The following DDX60L variants were observed in gnomAD, a reference collection of about 807,000 sequenced individuals.
The protein encoded by DDX60L is probable ATP-dependent RNA helicase DDX60-like.
Under a neutral mutation model 211.6 loss-of-function variants are expected in DDX60L, and 191 were observed. The observed-to-expected ratio is 0.90, with a 90% CI of 0.80 to 1.02. DDX60L has a LOEUF of 1.02. Ranked by LOEUF, DDX60L falls within the 50% of genes least tolerant of loss-of-function variation. The pLI, the probability that DDX60L is intolerant of heterozygous loss-of-function variation, is 0.00. For synonymous variants in DDX60L, 706 were observed against 694.1 expected (o/e 1.02, Z -0.27); for missense variants, 2,007 against 1,984.1 (o/e 1.01, Z -0.22).
At chr4:168,431,615 A>T (rs953933123) in intron 12 of DDX60L, among the ~76,000 whole-genome samples, 1 of 151,534 alleles carries the variant, frequency 6.6e-6, no homozygotes, top group Non-Finnish European at 1.5e-5. Context: ...TGACGAGTTA[A>T]TGGGTGCAGC....
chr4:168,430,610 A>G lies in DDX60L; in HGVS notation c.1545T>C (p.Asp515=). 6.4e-7 allele frequency: 1 copy of G among 1,573,200 alleles called. No homozygotes were observed. Among genetic ancestry groups the G allele is most frequent in the African/African-American group, 1.3e-5 (1 of 74,114 alleles). Residue 515 remains aspartate (D), a synonymous_variant, in exon 13 of 38, where the codon GAT becomes GAC. Transcript: ENST00000682922. ...DEQSRDPHVL[D]FLKKIQDYQQ... ...GATAATCCTGAATCTTTTTCAGGAA[A>G]TCAAGAACATGAGGATCTCTAGATT...
intron 1 of DDX60L, among the ~76,000 whole-genome samples, chr4:168,478,619 AG>A: frequency 6.6e-6 from 1 of 152,220 alleles, no homozygotes; most frequent in Admixed American, 6.5e-5. Flanking sequence ...ACATCAACAT[AG>A]CCGTGGATGA....
chr4:168,393,993 G>C (rs916832171), intron 28 of DDX60L, among the ~76,000 whole-genome samples: 1 of 152,086 alleles, frequency 6.6e-6, no homozygotes, highest in Non-Finnish European at 1.5e-5. Context: ...AGGAGTTCGA[G>C]AACAGGCTGG....
At chr4:168,372,317 T>G (rs1741169298) in intron 35 of DDX60L, among the ~76,000 whole-genome samples, 1 of 151,990 alleles carries the variant, frequency 6.6e-6, no homozygotes, top group Non-Finnish European at 1.5e-5. Flanking sequence ...AAACAAAAAC[T>G]AAGTCTCCGT....
chr4:168,422,014 A>G (rs1292933234), intron 16 of DDX60L, 105 bp from the exon 17 acceptor site: 5 of 1,436,462 alleles, frequency 3.5e-6, no homozygotes, highest in Non-Finnish European at 4.8e-6. Context: ...GTATTATGCT[A>G]CCTTTGGGGG....
intron 7 of DDX60L, among the ~76,000 whole-genome samples, chr4:168,454,859 G>C (rs2465259): frequency 6.8e-6 from 1 of 147,698 alleles, no homozygotes; most frequent in Non-Finnish European, 1.5e-5. Flanking sequence ...TTTGGTTCCA[G>C]AAATCCTAAA....
chr4:168,394,590 G>A lies in DDX60L; in HGVS notation c.3685C>T (p.Arg1229Ter), dbSNP rs760324079. 18 of 1,612,460 alleles carry A rather than the reference G, an allele frequency of 1.1e-5. No individual in the cohort carries two copies. Among genetic ancestry groups the A allele is most frequent in the Admixed American group, 5.0e-5 (3 of 59,762 alleles). ...AGTTCTTTGCCGTGTCTTGTAAATC[G>A]CACTCGCGGTAATACCCTCTCCAAA... ...STLERVLPRVRFTRHGKELKA... is the reference protein window; with the variant it reads ...STLERVLPRV The change falls in exon 28 of 38, where the codon CGA (arginine) becomes TGA (stop). Residue 1229 changes from arginine to a stop codon, truncating the protein, a stop_gained. Coordinates refer to ENST00000682922, the MANE Select transcript of DDX60L (RefSeq NM_001012967.3). LOFTEE classifies it high-confidence loss of function.
chr4:168,438,234 T>C (rs1753341377), intron 10 of DDX60L, among the ~76,000 whole-genome samples: 1 of 152,194 alleles, frequency 6.6e-6, no homozygotes, highest in Admixed American at 6.5e-5. Flanking sequence ...TCTCCAAATC[T>C]ACCTATAATC....
At chr4:168,463,775 A>C (rs1192510715) in intron 4 of DDX60L, among the ~76,000 whole-genome samples, 3 of 152,190 alleles carry the variant, frequency 2.0e-5, no homozygotes, top group African/African-American at 7.2e-5. Context: ...TATAGACTAG[A>C]ATTCTTAGGA....
At chr4:168,369,549 C>T (rs1740625109) in intron 36 of DDX60L, among the ~76,000 whole-genome samples, 1 of 148,346 alleles carries the variant, frequency 6.7e-6, no homozygotes, top group African/African-American at 2.5e-5. Flanking sequence ...TAAATAAGAT[C>T]TCAAAAACAG....
At chr4:168,478,933 C>G (rs1309838905) in intron 1 of DDX60L, among the ~76,000 whole-genome samples, 4 of 152,186 alleles carry the variant, frequency 2.6e-5, no homozygotes, top group African/African-American at 9.7e-5. Context: ...TCAAATAAAA[C>G]TGATCAATTA....
intron 19 of DDX60L, among the ~76,000 whole-genome samples, chr4:168,417,308 C>T (rs928342140): frequency 6.6e-6 from 1 of 152,170 alleles, no homozygotes; most frequent in African/African-American, 2.4e-5. Context: ...AACCCCATCT[C>T]AGGCCACTTT....
intron 36 of DDX60L, among the ~76,000 whole-genome samples, chr4:168,364,737 C>T (rs192526647): frequency 7.6e-4 from 116 of 152,232 alleles, no homozygotes; most frequent in Non-Finnish European, 1.8e-4. Flanking sequence ...TTTTCTCAAC[C>T]GTACATGGAA....
At chr4:168,401,360 T>A (rs1746780222) in intron 25 of DDX60L, among the ~76,000 whole-genome samples, 1 of 152,228 alleles carries the variant, frequency 6.6e-6, no homozygotes, top group Non-Finnish European at 1.5e-5. Context: ...AATTTTTAAA[T>A]CTACCTGTAA....
At chr4:168,421,719 T>C (rs758669227) in intron 17 of DDX60L, 41 bp downstream of exon 17, 3 of 1,608,690 alleles carry the variant, frequency 1.9e-6, no homozygotes, top group Admixed American at 3.3e-5. Context: ...AAAGGGGATG[T>C]TCAGGAACAA....
chr4:168,358,508 TTTC>T (rs1285539427), intron 37 of DDX60L, among the ~76,000 whole-genome samples: 2 of 144,468 alleles, frequency 1.4e-5, no homozygotes, highest in South Asian at 2.2e-4. Context: ...TTCTTCTTTT[TTTC>T]TTTTTTCTTT....
chr4:168,446,709 C>G (rs1363215328), intron 9 of DDX60L, among the ~76,000 whole-genome samples: 2 of 147,042 alleles, frequency 1.4e-5, no homozygotes, highest in Non-Finnish European at 3.0e-5. Context: ...CAGAACAGAG[C>G]CCTCAGAAAT....
chr4:168,364,780 CAAACA>C (rs981235338), intron 36 of DDX60L, among the ~76,000 whole-genome samples: 2 of 152,096 alleles, frequency 1.3e-5, no homozygotes, highest in African/African-American at 4.8e-5. Flanking sequence ...GTTTGATCAC[CAAACA>C]AGTCTGAACA....
intron 36 of DDX60L, among the ~76,000 whole-genome samples, chr4:168,367,134 A>C (rs977365406): frequency 2.6e-5 from 4 of 152,138 alleles, no homozygotes; most frequent in Admixed American, 2.0e-4. Context: ...ATATACAAAA[A>C]TCTACTCAAA....
Sources: allele counts gnomAD v4.1 joint callset (sites outside exome capture counted in the v4.1 genomes callset), GRCh38; gene constraint gnomAD v4.1.1; transcripts MANE v1.5; gene names NCBI Gene and HGNC (gene_info 2026-07-23, HGNC 2026-07-21).